ZNF644: variants seen among roughly 807,000 people sequenced by gnomAD.
The protein encoded by ZNF644 is zinc finger motif enhancer binding protein 2.
In ZNF644, 20 loss-of-function variants were observed where a neutral mutation model predicts 108.0. The ratio of observed to expected loss-of-function variants is 0.19; its 90% CI spans 0.13 to 0.27. The LOEUF (loss-of-function observed/expected upper bound fraction) is 0.27, where lower values mean the gene tolerates loss of function less well. Ranked by LOEUF, ZNF644 falls within the 10% of genes least tolerant of loss-of-function variation. The probability of loss-of-function intolerance (pLI) is 1.00; values close to 1 mark genes in which losing one functional copy is unlikely to be tolerated. For missense variants in ZNF644, 1,338 were observed against 1,548.9 expected (o/e 0.86, Z 2.29); for synonymous variants, 542 against 539.1 (o/e 1.01, Z -0.08).
At chr1:90,968,741 A>T (rs2101240596) in intron 2 of ZNF644, among the ~76,000 whole-genome samples, 1 of 152,326 alleles carries the variant, frequency 6.6e-6, no homozygotes, top group East Asian at 1.9e-4. Flanking sequence ...ACTCCCTTTC[A>T]GATTTATGAT....
chr1:90,949,349 T>C (rs1570408249), intron 2 of ZNF644, among the ~76,000 whole-genome samples: 1 of 152,168 alleles, frequency 6.6e-6, no homozygotes, highest in East Asian at 1.9e-4. Context: ...AATATTATCC[T>C]TGCTCAACTT....
chr1:90,969,197 A>G (rs75980044), intron 2 of ZNF644, among the ~76,000 whole-genome samples: 1,925 of 152,212 alleles, frequency 0.013, 39 homozygotes, highest in African/African-American at 0.044. Flanking sequence ...GTGTCCTTAT[A>G]AGAAGATTAG....
intron 1 of ZNF644, among the ~76,000 whole-genome samples, chr1:91,007,994 T>C (rs999490108): frequency 1.3e-5 from 2 of 152,178 alleles, no homozygotes; most frequent in African/African-American, 2.4e-5. Context: ...AGTTAGATAT[T>C]TTTCCTGATC....
At chr1:90,979,293 G>GA (rs1163831148) in intron 2 of ZNF644, among the ~76,000 whole-genome samples, 2 of 152,074 alleles carry the variant, frequency 1.3e-5, no homozygotes, top group Non-Finnish European at 2.9e-5. Flanking sequence ...CGAACATAGT[G>GA]AAACCCCATC....
chr1:91,007,225 G>GTTTTTTTT lies in ZNF644; in HGVS notation c.-18+14757_-18+14764dup, dbSNP rs35761791. 3.0e-4 allele frequency among the ~76,000 whole-genome samples: 17 copies of GTTTTTTTT among 55,998 alleles called. 1 individual carries two copies. The highest frequency in any genetic ancestry group is 5.8e-4 in the East Asian group (1 of 1,726). The allele number at this position is 55,998 out of a possible 152,430, so 36.7% of individuals were successfully genotyped here. ...AATTTCTTCCATTTTCTCCCATTTTGTTTTTTTTTTTTTTTTTTTTTTTTT... is the reference window on the plus strand; with the variant it reads ...AATTTCTTCCATTTTCTCCCATTTTGTTTTTTTTTTTTTTTTTTTTTTTTTTTTTTTTT... On this transcript the variant is annotated intron_variant, in intron 1 of 5. Coordinates refer to ENST00000337393, the MANE Select transcript of ZNF644 (RefSeq NM_201269.3).
rs149499960 is a variant in ZNF644, at chr1:90,959,092, G to A, written c.45-17783C>T. Among the ~76,000 whole-genome samples, 179 of 152,114 alleles carry A rather than the reference G, an allele frequency of 1.2e-3. 3 individuals are homozygous for A. In the East Asian group the frequency reaches 0.032, roughly 28 times the overall value. Reference sequence around the variant, plus strand: ...AAAAAGACAACCTAATTTTTTAAATGAGCAAAGGACGTGAACAGATATTTC... The same window carrying A: ...AAAAAGACAACCTAATTTTTTAAATAAGCAAAGGACGTGAACAGATATTTC... On this transcript the variant is annotated intron_variant, in intron 2 of 5. Coordinates refer to ENST00000337393, the MANE Select transcript of ZNF644 (RefSeq NM_201269.3).
rs938437050 is a variant in ZNF644 at position 90,976,737 on chromosome 1, A to G, written c.44+5573T>C. ...ACAGTGAAACCAAGGGTGAGTTTTA[A>G]GAGATGTAGATCAAGACAGACAGAT... On this transcript the variant is annotated intron_variant, in intron 2 of 5. Coordinates refer to ENST00000337393, the MANE Select transcript of ZNF644 (RefSeq NM_201269.3). Among the ~76,000 whole-genome samples the G allele has an allele frequency of 3.9e-5, 6 of 152,312 alleles. No individual in the cohort carries two copies. The South Asian group carries it at 8.3e-4, about 21-fold the overall frequency.
At chr1:90,973,749 A>G (rs868044697) in intron 2 of ZNF644, among the ~76,000 whole-genome samples, 1 of 152,162 alleles carries the variant, frequency 6.6e-6, no homozygotes, top group Non-Finnish European at 1.5e-5. Flanking sequence ...GCACTGCAGG[A>G]GACGTCAATA....
chr1:90,957,351 A>G (rs531193818), intron 2 of ZNF644, among the ~76,000 whole-genome samples: 3 of 152,324 alleles, frequency 2.0e-5, no homozygotes, highest in Non-Finnish European at 4.4e-5. Context: ...ACAAATATCC[A>G]TTATGAAAAC....
intron 1 of ZNF644, among the ~76,000 whole-genome samples, chr1:91,012,684 G>A (rs1270409071): frequency 6.6e-6 from 1 of 152,018 alleles, no homozygotes; most frequent in Non-Finnish European, 1.5e-5. Flanking sequence ...GAAAATGCTT[G>A]CATTCCACAA....
rs370421230 is a variant in ZNF644, at chr1:90,993,783, AT to A, written c.-17-11414del. Among the ~76,000 whole-genome samples, 3 of 152,252 alleles carry A rather than the reference AT, an allele frequency of 2.0e-5. No homozygotes were observed. In the South Asian group the frequency reaches 6.2e-4, roughly 32 times the overall value. Reference sequence around the variant, plus strand: ...TAAGTAATGTCACCATTCAATTATAATTTTTTTGTGAAATATTGTTCCTAGA... The same window carrying A: ...TAAGTAATGTCACCATTCAATTATAATTTTTTGTGAAATATTGTTCCTAGA... On this transcript the variant is annotated intron_variant, in intron 1 of 5. Coordinates refer to ENST00000337393, the MANE Select transcript of ZNF644 (RefSeq NM_201269.3).
At chr1:90,956,669 G>A (rs1653784021) in intron 2 of ZNF644, among the ~76,000 whole-genome samples, 1 of 152,082 alleles carries the variant, frequency 6.6e-6, no homozygotes, top group African/African-American at 2.4e-5. Context: ...TAAACCCAAA[G>A]CCAGTAGAAA....
intron 2 of ZNF644, among the ~76,000 whole-genome samples, chr1:90,961,567 CA>C (rs1331575938): frequency 6.6e-6 from 1 of 152,026 alleles, no homozygotes; most frequent in African/African-American, 2.4e-5. Flanking sequence ...TGAACTGAAG[CA>C]AGTATAAGAA....
At chr1:90,963,278 C>T (rs746645382) in intron 2 of ZNF644, among the ~76,000 whole-genome samples, 43 of 151,990 alleles carry the variant, frequency 2.8e-4, no homozygotes, top group Non-Finnish European at 4.1e-4. Context: ...GTATTCAATT[C>T]CATTTGGATC....
At chr1:90,942,667 AC>A (rs775762199) in intron 2 of ZNF644, among the ~76,000 whole-genome samples, 2 of 152,222 alleles carry the variant, frequency 1.3e-5, no homozygotes, top group Non-Finnish European at 2.9e-5. Context: ...AAATTTGGAT[AC>A]CCCATTCAAA....
In ZNF644 at chr1:91,002,298, T is replaced by C. The variant is rs1407704254; in HGVS notation, c.-18+19692A>G. On this transcript the variant is annotated intron_variant, in intron 1 of 5. Coordinates refer to ENST00000337393, the MANE Select transcript of ZNF644 (RefSeq NM_201269.3). ...AAACTATACTACAAGGCCACAGTAATCAAAACAGCATGGTACTGGTACCAA... is the reference window on the plus strand; with the variant it reads ...AAACTATACTACAAGGCCACAGTAACCAAAACAGCATGGTACTGGTACCAA... 1.2e-4 allele frequency among the ~76,000 whole-genome samples: 18 copies of C among 152,070 alleles called. 1 individual carries two copies. The highest frequency in any genetic ancestry group is 3.9e-4 in the East Asian group (2 of 5,162).
intron 2 of ZNF644, among the ~76,000 whole-genome samples, chr1:90,944,275 C>T (rs1018528919): frequency 1.3e-5 from 2 of 152,164 alleles, no homozygotes; most frequent in Non-Finnish European, 2.9e-5. Flanking sequence ...TTGGAGACTG[C>T]ATCCTCATTA....
At chr1:90,919,393 A>G (rs1431664868) in intron 4 of ZNF644, among the ~76,000 whole-genome samples, 2 of 152,176 alleles carry the variant, frequency 1.3e-5, no homozygotes, top group South Asian at 2.1e-4. Context: ...CGAATTGTTC[A>G]AAGTCCAGAT....
intron 2 of ZNF644, among the ~76,000 whole-genome samples, chr1:90,962,585 A>C (rs771453256): frequency 2.6e-5 from 4 of 152,098 alleles, no homozygotes; most frequent in Admixed American, 6.6e-5. Flanking sequence ...AAGCAAAATA[A>C]TAAAGATCCT....
Sources: gnomAD v4.1 joint callset for allele counts (sites outside exome capture counted in the v4.1 genomes callset) on GRCh38, gnomAD v4.1.1 for gene constraint, MANE v1.5 for transcripts, NCBI Gene and HGNC (gene_info 2026-07-23, HGNC 2026-07-21) for gene names.